SMYD3: variants seen among roughly 807,000 people sequenced by gnomAD.
SMYD3 encodes histone-lysine N-methyltransferase SMYD3.
Under a neutral mutation model 57.7 loss-of-function variants are expected in SMYD3, and 36 were observed. The ratio of observed to expected loss-of-function variants is 0.62; its 90% CI spans 0.48 to 0.82. SMYD3 has a LOEUF of 0.82. Among genes scored for constraint, SMYD3 ranks in the 40% least tolerant of loss-of-function variants. The probability of loss-of-function intolerance (pLI) is 0.00; values close to 1 mark genes in which losing one functional copy is unlikely to be tolerated. For synonymous variants in SMYD3, 211 were observed against 195.0 expected (o/e 1.08, Z -0.68); for missense variants, 515 against 538.8 (o/e 0.96, Z 0.44).
rs570494595 is a variant in SMYD3 at position 245,992,300 on chromosome 1, G to T, written c.532-62363C>A. Among the ~76,000 whole-genome samples, 492 of 151,670 alleles carry T rather than the reference G, an allele frequency of 3.2e-3. 2 individuals carry two copies. The highest frequency in any genetic ancestry group is 0.011 in the African/African-American group (449 of 41,274). On this transcript the variant is annotated intron_variant, in intron 5 of 11. Transcript: ENST00000490107. ...TACAACTGAACCTCAGAAACGGCCT[G>T]CCGTCATTTCTATCATATTCTATTG...
At chr1:245,771,125 T>TATATACATGTATATATACATACATAC (rs2046318428) in intron 10 of SMYD3, among the ~76,000 whole-genome samples, 1 of 151,064 alleles carries the variant, frequency 6.6e-6, no homozygotes, top group Non-Finnish European at 1.5e-5. Flanking sequence ...CACATACATA[T>TATATACATGTATATATACATACATAC]ATATACATGT....
chr1:246,463,645 A>G (rs6659014), intron 1 of SMYD3, among the ~76,000 whole-genome samples: 76,434 of 128,458 alleles, frequency 0.6, 23,235 homozygotes, highest in African/African-American at 0.77. Flanking sequence ...GTGAAACCCC[A>G]TCTCTACTAA....
intron 5 of SMYD3, among the ~76,000 whole-genome samples, chr1:246,314,375 A>T (rs1337335051): frequency 6.6e-6 from 1 of 152,222 alleles, no homozygotes; most frequent in Admixed American, 6.5e-5. Flanking sequence ...GAATGAAGAA[A>T]GCCATGTTAA....
At chr1:246,244,347 C>G (rs916804723) in intron 5 of SMYD3, among the ~76,000 whole-genome samples, 1 of 151,890 alleles carries the variant, frequency 6.6e-6, no homozygotes, top group African/African-American at 2.4e-5. Context: ...AATGCTGACT[C>G]AATTCACTAG....
intron 1 of SMYD3, among the ~76,000 whole-genome samples, chr1:246,371,186 T>C (rs1482250551): frequency 6.6e-6 from 1 of 152,246 alleles, no homozygotes; most frequent in African/African-American, 2.4e-5. Flanking sequence ...CTCCTCATCA[T>C]ACTAACAGTA....
chr1:245,938,255 C>G (rs778732285), intron 5 of SMYD3, among the ~76,000 whole-genome samples: 48 of 152,140 alleles, frequency 3.2e-4, no homozygotes, highest in African/African-American at 1.1e-3. Context: ...ACAAGCTGTG[C>G]GGGCCCGCAT....
intron 5 of SMYD3, among the ~76,000 whole-genome samples, chr1:246,134,131 T>C (rs982343905): frequency 2.6e-5 from 4 of 152,170 alleles, no homozygotes; most frequent in Admixed American, 6.5e-5. Context: ...TTCATAAGCA[T>C]GTCAGCTCAC....
chr1:246,476,368 CG>C (rs1217231972), intron 1 of SMYD3, among the ~76,000 whole-genome samples: 1 of 152,150 alleles, frequency 6.6e-6, no homozygotes, highest in Non-Finnish European at 1.5e-5. Context: ...CTATGCCTCT[CG>C]GGCTTTAATA....
At chr1:246,250,780 C>T (rs992996231) in intron 5 of SMYD3, among the ~76,000 whole-genome samples, 25 of 152,132 alleles carry the variant, frequency 1.6e-4, no homozygotes, top group Admixed American at 1.4e-3. Flanking sequence ...TAAAGTGCAA[C>T]CATCTTTTAA....
At chr1:246,273,343 T>A (rs2064265108) in intron 5 of SMYD3, among the ~76,000 whole-genome samples, 1 of 151,138 alleles carries the variant, frequency 6.6e-6, no homozygotes, top group African/African-American at 2.4e-5. Context: ...AAAGACGGGG[T>A]TTCACCATGT....
intron 5 of SMYD3, among the ~76,000 whole-genome samples, chr1:246,269,288 T>C (rs561715783): frequency 4.6e-5 from 7 of 152,172 alleles, no homozygotes; most frequent in Non-Finnish European, 8.8e-5. Flanking sequence ...ACTCAATAAA[T>C]ACTGAATTGA....
chr1:246,045,440 T>C (rs909267697), intron 5 of SMYD3, among the ~76,000 whole-genome samples: 1 of 152,150 alleles, frequency 6.6e-6, no homozygotes, highest in African/African-American at 2.4e-5. Flanking sequence ...TGTAGAAAGC[T>C]GAAACTGGAT....
intron 5 of SMYD3, among the ~76,000 whole-genome samples, chr1:246,167,527 T>G (rs1271657382): frequency 1.3e-5 from 2 of 150,148 alleles, no homozygotes; most frequent in African/African-American, 2.4e-5. Flanking sequence ...TTTTTTTTTT[T>G]GAAGACGGAG....
Position 246,123,675 on chromosome 1 carries a change from A to G in SMYD3, c.532-193738T>C, listed in dbSNP as rs2061460806. Among the ~76,000 whole-genome samples the G allele has an allele frequency of 2.0e-5, 3 of 150,214 alleles. No homozygotes were observed. In the South Asian group the frequency reaches 6.3e-4, roughly 32 times the overall value. ...GGCAGTCCTTGGGTTCCATCTTTTT[A>G]TTTTTGTCCCTAATAAAATTGAAGC... On this transcript the variant is annotated intron_variant, in intron 5 of 11. Transcript: ENST00000490107.
intron 1 of SMYD3, among the ~76,000 whole-genome samples, chr1:246,409,338 G>C (rs1355598470): frequency 6.6e-6 from 1 of 152,104 alleles, no homozygotes; most frequent in African/African-American, 2.4e-5. Flanking sequence ...AATCCATCTT[G>C]AATTAATTTT....
rs2061578292 is a variant in SMYD3, at chr1:246,130,968, A to G, written c.531+196233T>C. 2.6e-5 allele frequency among the ~76,000 whole-genome samples: 4 copies of G among 152,124 alleles called. No homozygotes were observed. In the South Asian group the frequency reaches 8.3e-4, roughly 32 times the overall value. On this transcript the variant is annotated intron_variant, in intron 5 of 11. Coordinates refer to ENST00000490107, the MANE Select transcript of SMYD3 (RefSeq NM_001167740.2). ...AATCAAACCTCGTCTTAACACTCCTAGTCCTGTACACTACACACACTCTAT... is the reference window on the plus strand; with the variant it reads ...AATCAAACCTCGTCTTAACACTCCTGGTCCTGTACACTACACACACTCTAT...
intron 10 of SMYD3, among the ~76,000 whole-genome samples, chr1:245,771,622 A>C (rs1281242605): frequency 2.0e-5 from 3 of 152,236 alleles, no homozygotes; most frequent in African/African-American, 7.2e-5. Context: ...GAACATTAAA[A>C]GGCTTCGCTT....
intron 5 of SMYD3, among the ~76,000 whole-genome samples, chr1:246,287,604 C>T (rs998067725): frequency 5.9e-5 from 9 of 152,086 alleles, no homozygotes; most frequent in South Asian, 4.2e-4. Flanking sequence ...CATAGAAATA[C>T]CAAGTTTTGG....
intron 5 of SMYD3, among the ~76,000 whole-genome samples, chr1:246,282,734 T>C (rs2064480132): frequency 6.6e-6 from 1 of 152,198 alleles, no homozygotes; most frequent in Non-Finnish European, 1.5e-5. Flanking sequence ...ATGTTGCTTC[T>C]AGCAGATGAG....
Sources: gnomAD v4.1 joint callset for allele counts (sites outside exome capture counted in the v4.1 genomes callset) on GRCh38, gnomAD v4.1.1 for gene constraint, MANE v1.5 for transcripts, NCBI Gene and HGNC (gene_info 2026-07-23, HGNC 2026-07-21) for gene names.